The following GABRB1 variants were observed in gnomAD, a reference collection of about 807,000 sequenced individuals.
GABRB1 encodes the protein gamma-aminobutyric acid type A receptor subunit beta1.
A neutral mutation model predicts 51.6 loss-of-function variants in GABRB1; 17 were observed. That is an observed-to-expected ratio of 0.33 (90% confidence interval 0.23 to 0.49). GABRB1 has a LOEUF of 0.49. Ranked by LOEUF, GABRB1 falls within the 20% of genes least tolerant of loss-of-function variation. The pLI, the probability that GABRB1 is intolerant of heterozygous loss-of-function variation, is 0.99. For synonymous variants in GABRB1, 247 were observed against 218.9 expected, an observed-to-expected ratio of 1.13 and a Z score of -1.14; for missense variants, 410 against 600.6, an observed-to-expected ratio of 0.68 and a Z score of 3.32.
At chr4:47,278,113 A>G (rs1723152955) in intron 4 of GABRB1, among the ~76,000 whole-genome samples, 1 of 152,142 alleles carries the variant, frequency 6.6e-6, no homozygotes, top group African/African-American at 2.4e-5. Context: ...TGCACACTGT[A>G]TTGCACCTGT....
intron 3 of GABRB1, among the ~76,000 whole-genome samples, chr4:47,042,439 T>TAA (rs200280557): frequency 3.0e-4 from 43 of 142,112 alleles, no homozygotes; most frequent in African/African-American, 9.6e-4. Context: ...TATATATATA[T>TAA]AAAATACGTG....
At chr4:47,117,314 G>T (rs1715538322) in intron 3 of GABRB1, among the ~76,000 whole-genome samples, 1 of 152,190 alleles carries the variant, frequency 6.6e-6, no homozygotes, top group Admixed American at 6.5e-5. Context: ...TATATAATAT[G>T]CATCCCTATA....
chr4:47,177,836 A>G (rs1161485553), intron 4 of GABRB1, among the ~76,000 whole-genome samples: 3 of 78,218 alleles, frequency 3.8e-5, no homozygotes, highest in Non-Finnish European at 5.2e-5. Flanking sequence ...TTTTTTTTTC[A>G]TGTTTCTGTT....
intron 4 of GABRB1, among the ~76,000 whole-genome samples, chr4:47,246,073 CT>C (rs1721725472): frequency 7.4e-6 from 1 of 134,458 alleles, no homozygotes. Flanking sequence ...CTCTCTCATT[CT>C]CCCCCCCCAA....
At chr4:47,282,136 C>T (rs1723314731) in intron 4 of GABRB1, among the ~76,000 whole-genome samples, 1 of 152,030 alleles carries the variant, frequency 6.6e-6, no homozygotes, top group Admixed American at 6.5e-5. Flanking sequence ...CAAAACATCG[C>T]CTTGTACCCT....
chr4:47,009,449 T>G (rs1724525706), intron 1 of GABRB1, among the ~76,000 whole-genome samples: 1 of 152,168 alleles, frequency 6.6e-6, no homozygotes, highest in Admixed American at 6.5e-5. Flanking sequence ...TTAACACAGG[T>G]AATCAACACT....
At chr4:47,270,126 T>G (rs1176058114) in intron 4 of GABRB1, among the ~76,000 whole-genome samples, 1 of 152,180 alleles carries the variant, frequency 6.6e-6, no homozygotes, top group Non-Finnish European at 1.5e-5. Context: ...AAAACAGTGT[T>G]GAGGGCTGTT....
chr4:47,225,043 C>T (rs1720899752), intron 4 of GABRB1, among the ~76,000 whole-genome samples: 1 of 152,004 alleles, frequency 6.6e-6, no homozygotes, highest in Non-Finnish European at 1.5e-5. Flanking sequence ...TACAGGCATG[C>T]ACCACCATAC....
intron 4 of GABRB1, among the ~76,000 whole-genome samples, chr4:47,292,737 A>G (rs1723796629): frequency 6.6e-6 from 1 of 152,192 alleles, no homozygotes; most frequent in South Asian, 2.1e-4. Context: ...AAGATTGAGG[A>G]GGGCCTGGCA....
chr4:47,076,610 C>T (rs918818687), intron 3 of GABRB1, among the ~76,000 whole-genome samples: 2 of 151,882 alleles, frequency 1.3e-5, no homozygotes, highest in African/African-American at 4.8e-5. Flanking sequence ...GAGAGGTTAC[C>T]CACCGCCCCT....
intron 3 of GABRB1, among the ~76,000 whole-genome samples, chr4:47,121,393 G>A (rs1715768052): frequency 2.6e-5 from 4 of 152,310 alleles, no homozygotes; most frequent in Admixed American, 6.5e-5. Flanking sequence ...TCTCTTCAGT[G>A]TCTCTTTCAG....
chr4:47,001,884 CT>C (rs1469240280), intron 1 of GABRB1, among the ~76,000 whole-genome samples: 2 of 152,156 alleles, frequency 1.3e-5, no homozygotes, highest in Non-Finnish European at 2.9e-5. Flanking sequence ...TAAAATTTTT[CT>C]CACCTTTCAA....
chr4:47,027,164 G>C (rs985350272), upstream of GABRB1, among the ~76,000 whole-genome samples: 1 of 151,426 alleles, frequency 6.6e-6, no homozygotes, highest in Non-Finnish European at 1.5e-5. Flanking sequence ...AAGATAGAGC[G>C]TACATTTTGA....
At chr4:47,275,260 C>T (rs1035692905) in intron 4 of GABRB1, among the ~76,000 whole-genome samples, 3 of 152,112 alleles carry the variant, frequency 2.0e-5, no homozygotes, top group African/African-American at 4.8e-5. Context: ...CTCATCCTAC[C>T]GCTAGGGCAA....
At chr4:47,148,501 A>G (rs941412992) in intron 3 of GABRB1, among the ~76,000 whole-genome samples, 4 of 152,090 alleles carry the variant, frequency 2.6e-5, no homozygotes, top group African/African-American at 7.2e-5. Context: ...TCACTTACAA[A>G]TAATTTCTAG....
chr4:47,232,965 C>T (rs1721198587), intron 4 of GABRB1, among the ~76,000 whole-genome samples: 1 of 151,774 alleles, frequency 6.6e-6, no homozygotes, highest in African/African-American at 2.4e-5. Context: ...ACCTCCGCCT[C>T]CTGGGTTCAA....
chr4:47,408,093 AAAT>A (rs1315958366), intron 8 of GABRB1, among the ~76,000 whole-genome samples: 1 of 152,196 alleles, frequency 6.6e-6, no homozygotes, highest in East Asian at 1.9e-4. Flanking sequence ...CCCTGTCTTA[AAAT>A]AATAATAATT....
At chr4:47,004,529 A>T (rs894731016) in intron 1 of GABRB1, among the ~76,000 whole-genome samples, 15 of 151,378 alleles carry the variant, frequency 9.9e-5, no homozygotes, top group Admixed American at 5.9e-4. Context: ...TTAATACTTT[A>T]AAAAAAAAGA....
At chr4:47,098,179 CACACACACACAT>C (rs1321624630) in intron 3 of GABRB1, among the ~76,000 whole-genome samples, 12 of 125,842 alleles carry the variant, frequency 9.5e-5, no homozygotes, top group African/African-American at 3.0e-4. Flanking sequence ...CACACACACA[CACACACACACAT>C]GTTTTTCAGT....
Sources: allele counts gnomAD v4.1 joint callset (sites outside exome capture counted in the v4.1 genomes callset), GRCh38; gene constraint gnomAD v4.1.1; transcripts MANE v1.5; gene names NCBI Gene and HGNC (gene_info 2026-07-23, HGNC 2026-07-21).